The following TAOK3 variants were observed in gnomAD, a reference collection of about 807,000 sequenced individuals.
TAOK3 encodes TAO kinase 3.
A neutral mutation model predicts 120.4 loss-of-function variants in TAOK3; 40 were observed. The ratio of observed to expected loss-of-function variants is 0.33; its 90% CI spans 0.26 to 0.43. The LOEUF (loss-of-function observed/expected upper bound fraction) is 0.43, where lower values mean the gene tolerates loss of function less well. Ranked by LOEUF, TAOK3 falls within the 20% of genes least tolerant of loss-of-function variation. The pLI is 1.00. For missense variants in TAOK3, 821 were observed against 1,112.1 expected (o/e 0.74, Z 3.72); for synonymous variants, 355 against 387.5 (o/e 0.92, Z 0.99).
At chr12:118,238,909 A>G (rs2040128828) in intron 6 of TAOK3, among the ~76,000 whole-genome samples, 1 of 152,168 alleles carries the variant, frequency 6.6e-6, no homozygotes, top group Admixed American at 6.5e-5. Flanking sequence ...CATCAATATA[A>G]CGTGAGACTA....
intron 19 of TAOK3, among the ~76,000 whole-genome samples, chr12:118,154,797 A>C (rs1021123294): frequency 6.6e-6 from 1 of 152,154 alleles, no homozygotes; most frequent in Admixed American, 6.5e-5. Context: ...ACAGTGGCTT[A>C]CACTGAAGAT....
chr12:118,173,496 C>T (rs1022128131), intron 16 of TAOK3, among the ~76,000 whole-genome samples: 1 of 152,150 alleles, frequency 6.6e-6, no homozygotes, highest in Non-Finnish European at 1.5e-5. Context: ...TGGAAAGGTC[C>T]AGGCAAGAGA....
At chr12:118,213,461 TA>T (rs1489423918) in intron 10 of TAOK3, among the ~76,000 whole-genome samples, 2 of 152,170 alleles carry the variant, frequency 1.3e-5, no homozygotes, top group Non-Finnish European at 2.9e-5. Context: ...CTTCCTATCT[TA>T]AAAGTTCCAT....
intron 1 of TAOK3, among the ~76,000 whole-genome samples, chr12:118,311,619 ATT>A (rs10711332): frequency 6.7e-4 from 100 of 149,708 alleles, no homozygotes; most frequent in African/African-American, 2.2e-3. Flanking sequence ...GAGTTGAATA[ATT>A]TTTTTTTTTT....
chr12:118,222,272 C>T (rs1174348775), intron 9 of TAOK3, among the ~76,000 whole-genome samples: 1 of 152,134 alleles, frequency 6.6e-6, no homozygotes, highest in Admixed American at 6.5e-5. Context: ...TGGTGACTCA[C>T]GCCTATAATC....
intron 1 of TAOK3, among the ~76,000 whole-genome samples, chr12:118,322,716 ACCTTTT>A (rs1234086060): frequency 5.6e-5 from 8 of 142,368 alleles, no homozygotes; most frequent in African/African-American, 1.8e-4. Context: ...AAATTTAAAA[ACCTTTT>A]TTTTTTTTTT....
intron 3 of TAOK3, among the ~76,000 whole-genome samples, chr12:118,254,084 T>C (rs2040876694): frequency 6.6e-6 from 1 of 152,170 alleles, no homozygotes; most frequent in Non-Finnish European, 1.5e-5. Flanking sequence ...AAACAAACTG[T>C]ATTTTATGTA....
chr12:118,237,074 T>A (rs1166646282), intron 7 of TAOK3, among the ~76,000 whole-genome samples: 1 of 152,196 alleles, frequency 6.6e-6, no homozygotes, highest in Non-Finnish European at 1.5e-5. Context: ...ATAGACATTA[T>A]GATAATTTTA....
At chr12:118,338,334 G>A (rs1057069456) in intron 1 of TAOK3, among the ~76,000 whole-genome samples, 1 of 152,192 alleles carries the variant, frequency 6.6e-6, no homozygotes, top group African/African-American at 2.4e-5. Context: ...AAGAGACAGC[G>A]ACTGTTTTAA....
chr12:118,153,125 T>C (rs1483770165), intron 19 of TAOK3, among the ~76,000 whole-genome samples: 1 of 151,546 alleles, frequency 6.6e-6, no homozygotes, highest in East Asian at 2.0e-4. Flanking sequence ...TCAAAATCTC[T>C]TCCCTGGCTG....
At chr12:118,225,768 A>G (rs996129414) in intron 9 of TAOK3, among the ~76,000 whole-genome samples, 4 of 152,238 alleles carry the variant, frequency 2.6e-5, no homozygotes, top group Admixed American at 6.5e-5. Context: ...ACAAAATTGT[A>G]TATATTTAAG....
chr12:118,244,274 G>A (rs1429964472), intron 4 of TAOK3, among the ~76,000 whole-genome samples: 2 of 151,870 alleles, frequency 1.3e-5, no homozygotes, highest in Non-Finnish European at 2.9e-5. Flanking sequence ...TATTGCCCAG[G>A]CTTGTCTTGA....
chr12:118,317,264 T>TTA (rs2043503783), intron 1 of TAOK3, among the ~76,000 whole-genome samples: 1 of 71,632 alleles, frequency 1.4e-5, no homozygotes, highest in Non-Finnish European at 2.5e-5. Context: ...AAAGTTTGTC[T>TTA]CAAAAAAAAA....
intron 9 of TAOK3, among the ~76,000 whole-genome samples, chr12:118,229,917 C>T (rs961466196): frequency 4.0e-5 from 6 of 151,884 alleles, no homozygotes; most frequent in East Asian, 1.9e-4. Context: ...GGAGACAGAG[C>T]GAGACTCTGT....
chr12:118,242,882 A>AATAT (rs1555229408), intron 5 of TAOK3, among the ~76,000 whole-genome samples: 1 of 148,980 alleles, frequency 6.7e-6, no homozygotes, highest in Non-Finnish European at 1.5e-5. Context: ...AAACAAACAA[A>AATAT]ATATATATAT....
chr12:118,244,837 T>C lies in TAOK3; in HGVS notation c.192+57A>G, dbSNP rs892166950. ...ACCACCGCGCCCGGCCAGAATTTTG[T>C]TAATTTCATACTAACTTGTTTATTT... is the stretch of plus-strand genomic sequence containing the variant. On this transcript the variant is annotated intron_variant, in intron 4 of 20. Transcript: ENST00000392533. 3 of 1,390,366 alleles carry C rather than the reference T, an allele frequency of 2.2e-6. No homozygotes were observed. The Admixed American group carries it at 5.1e-5, about 24-fold the overall frequency. The allele number at this position is 1,390,366 out of a possible 1,614,324, so 86.1% of individuals were successfully genotyped here. A position where few individuals can be genotyped will look rare whatever the true frequency, so the allele number is the denominator to read the frequency against.
chr12:118,322,663 C>G (rs1407773755), intron 1 of TAOK3, among the ~76,000 whole-genome samples: 1 of 147,752 alleles, frequency 6.8e-6, no homozygotes, highest in Non-Finnish European at 1.5e-5. Context: ...TTTCCCATGT[C>G]AAGAACTATC....
chr12:118,169,634 T>G (rs1018462982), intron 17 of TAOK3, among the ~76,000 whole-genome samples: 9 of 151,466 alleles, frequency 5.9e-5, no homozygotes, highest in Non-Finnish European at 1.2e-4. Flanking sequence ...TACCAAAACC[T>G]CTCTTTAATC....
At chr12:118,276,476 C>G (rs1178908716) in intron 1 of TAOK3, among the ~76,000 whole-genome samples, 1 of 151,708 alleles carries the variant, frequency 6.6e-6, no homozygotes, top group Non-Finnish European at 1.5e-5. Context: ...CCGAGGCGGG[C>G]AGATCACGAG....
Sources: gnomAD v4.1 joint callset for allele counts (sites outside exome capture counted in the v4.1 genomes callset) on GRCh38, gnomAD v4.1.1 for gene constraint, MANE v1.5 for transcripts, NCBI Gene and HGNC (gene_info 2026-07-23, HGNC 2026-07-21) for gene names.